GPC5: variants seen among roughly 807,000 people sequenced by gnomAD.
The protein encoded by GPC5 is glypican-5.
A neutral mutation model predicts 53.9 loss-of-function variants in GPC5; 47 were observed. The ratio of observed to expected loss-of-function variants is 0.87; its 90% confidence interval spans 0.69 to 1.11. The LOEUF is 1.11. Among genes scored for constraint, GPC5 ranks in the 50% most tolerant of loss-of-function variants. The probability of loss-of-function intolerance (pLI) is 0.00; values close to 1 mark genes in which losing one functional copy is unlikely to be tolerated. For synonymous variants in GPC5, 286 were observed against 263.3 expected, an observed-to-expected ratio of 1.09 and a Z score of -0.84; for missense variants, 748 against 713.1, an observed-to-expected ratio of 1.05 and a Z score of -0.56.
intron 6 of GPC5, among the ~76,000 whole-genome samples, chr13:92,081,866 G>A (rs558715153): frequency 2.0e-5 from 3 of 152,212 alleles, no homozygotes; most frequent in South Asian, 4.1e-4. Flanking sequence ...TATATAATGC[G>A]TATATTGTGT....
chr13:91,745,336 C>T (rs2037025193), intron 4 of GPC5, among the ~76,000 whole-genome samples: 1 of 152,002 alleles, frequency 6.6e-6, no homozygotes, highest in Admixed American at 6.6e-5. Context: ...ATCCTAATTG[C>T]ATAGATGGCT....
intron 2 of GPC5, among the ~76,000 whole-genome samples, chr13:91,539,735 A>G (rs2029867618): frequency 6.6e-6 from 1 of 152,204 alleles, no homozygotes; most frequent in Non-Finnish European, 1.5e-5. Context: ...ATGAGGATGT[A>G]TACTTTATAA....
At chr13:91,603,447 G>A (rs1462754917) in intron 2 of GPC5, among the ~76,000 whole-genome samples, 1 of 152,318 alleles carries the variant, frequency 6.6e-6, no homozygotes, top group African/African-American at 2.4e-5. Flanking sequence ...TGCAGTCCAC[G>A]GTTAGTGGCA....
chr13:92,844,648 T>C (rs1471484990), intron 7 of GPC5, among the ~76,000 whole-genome samples: 1 of 152,070 alleles, frequency 6.6e-6, no homozygotes, highest in Non-Finnish European at 1.5e-5. Flanking sequence ...GTTCACATCA[T>C]GAAGTAAAAA....
At chr13:92,281,349 G>GA (rs1403899376) in intron 7 of GPC5, among the ~76,000 whole-genome samples, 1 of 152,212 alleles carries the variant, frequency 6.6e-6, no homozygotes, top group Non-Finnish European at 1.5e-5. Flanking sequence ...AAAGGCAACA[G>GA]AAACCTCTGC....
chr13:92,077,815 C>T (rs1411217524), intron 6 of GPC5, among the ~76,000 whole-genome samples: 1 of 152,108 alleles, frequency 6.6e-6, no homozygotes, highest in African/African-American at 2.4e-5. Context: ...GAAGAATAGA[C>T]GACTTTGAAA....
chr13:92,656,444 C>T (rs2139175689), intron 7 of GPC5, among the ~76,000 whole-genome samples: 1 of 152,192 alleles, frequency 6.6e-6, no homozygotes, highest in South Asian at 2.1e-4. Flanking sequence ...AAGTTAGTGG[C>T]ATCATGGTGC....
intron 2 of GPC5, among the ~76,000 whole-genome samples, chr13:91,679,677 A>T (rs1480391453): frequency 6.6e-6 from 1 of 152,220 alleles, no homozygotes; most frequent in Non-Finnish European, 1.5e-5. Context: ...TTTAATAGTA[A>T]TCACTGTATG....
chr13:92,723,528 C>A (rs961153125), intron 7 of GPC5, among the ~76,000 whole-genome samples: 20 of 151,832 alleles, frequency 1.3e-4, no homozygotes, highest in African/African-American at 4.8e-4. Flanking sequence ...TACCACTACA[C>A]CCCTTCTCAT....
intron 7 of GPC5, among the ~76,000 whole-genome samples, chr13:92,759,188 T>C (rs1211509355): frequency 6.7e-6 from 1 of 149,778 alleles, no homozygotes; most frequent in Non-Finnish European, 1.5e-5. Context: ...GTAAGGGTAA[T>C]ACCTCCATTT....
chr13:91,598,051 G>A (rs1305655005), intron 2 of GPC5, among the ~76,000 whole-genome samples: 3 of 151,888 alleles, frequency 2.0e-5, no homozygotes, highest in African/African-American at 2.4e-5. Flanking sequence ...AGTAACCCTC[G>A]AGTCTATCTT....
At chr13:92,228,555 A>G (rs2042505984) in intron 7 of GPC5, among the ~76,000 whole-genome samples, 1 of 152,172 alleles carries the variant, frequency 6.6e-6, no homozygotes, top group East Asian at 1.9e-4. Context: ...TTTGGTTTCA[A>G]GTGCTTTTCA....
intron 6 of GPC5, among the ~76,000 whole-genome samples, chr13:92,093,933 T>A (rs1260364070): frequency 6.6e-6 from 1 of 152,206 alleles, no homozygotes; most frequent in Non-Finnish European, 1.5e-5. Context: ...TTCATTTAAT[T>A]CAAATATGTC....
chr13:92,571,552 A>G (rs2139041397), intron 7 of GPC5, among the ~76,000 whole-genome samples: 1 of 152,288 alleles, frequency 6.6e-6, no homozygotes, highest in Admixed American at 6.5e-5. Context: ...CAAATATGGC[A>G]GATTCATTTG....
intron 3 of GPC5, among the ~76,000 whole-genome samples, chr13:91,698,577 A>C (rs1373599659): frequency 2.6e-5 from 4 of 152,224 alleles, no homozygotes; most frequent in East Asian, 1.9e-4. Context: ...TTTTCCTACA[A>C]TATGGATGTA....
intron 6 of GPC5, among the ~76,000 whole-genome samples, chr13:92,081,543 G>T (rs943837371): frequency 6.6e-6 from 1 of 152,202 alleles, no homozygotes; most frequent in Non-Finnish European, 1.5e-5. Flanking sequence ...GAATTTGATT[G>T]TACTCTGAGG....
chr13:91,611,659 A>C (rs2033553457), intron 2 of GPC5, among the ~76,000 whole-genome samples: 1 of 152,094 alleles, frequency 6.6e-6, no homozygotes, highest in Non-Finnish European at 1.5e-5. Context: ...TAATGTTTTT[A>C]AGTCCACAAT....
At chr13:91,538,529 A>G (rs1240119278) in intron 2 of GPC5, among the ~76,000 whole-genome samples, 1 of 152,144 alleles carries the variant, frequency 6.6e-6, no homozygotes, top group Non-Finnish European at 1.5e-5. Context: ...ACTATTGCTA[A>G]AAGCCATACC....
chr13:91,678,423 A>T (rs1424505106), intron 2 of GPC5, among the ~76,000 whole-genome samples: 2 of 152,210 alleles, frequency 1.3e-5, no homozygotes, highest in South Asian at 2.1e-4. Flanking sequence ...GAAACTCCTT[A>T]GCCATTGCTA....
Sources: allele counts gnomAD v4.1 joint callset (sites outside exome capture counted in the v4.1 genomes callset), GRCh38; gene constraint gnomAD v4.1.1; transcripts MANE v1.5; gene names NCBI Gene and HGNC (gene_info 2026-07-23, HGNC 2026-07-21).